Variants in USP32 observed in about 807,000 individuals in gnomAD.
The protein encoded by USP32 is ubiquitin specific peptidase 32, also known as ubiquitin carboxyl-terminal hydrolase 32.
Under a neutral mutation model 204.8 loss-of-function variants are expected in USP32, and 59 were observed. The ratio of observed to expected loss-of-function variants is 0.29; its 90% CI spans 0.23 to 0.36. USP32 has a LOEUF of 0.36. USP32 is among the 10% of genes least tolerant of loss of function. The pLI is 1.00. For synonymous variants in USP32, 517 were observed against 678.4 expected (o/e 0.76, Z 3.70); for missense variants, 1,160 against 1,946.4 (o/e 0.60, Z 7.60).
At chr17:60,213,997 T>C (rs1002987435) in intron 17 of USP32, among the ~76,000 whole-genome samples, 8 of 151,814 alleles carry the variant, frequency 5.3e-5, no homozygotes, top group Non-Finnish European at 1.0e-4. Context: ...GGCTGGAGTA[T>C]AGTGGCACTA....
intron 2 of USP32, among the ~76,000 whole-genome samples, chr17:60,341,168 G>A (rs1056615232): frequency 1.3e-5 from 2 of 152,146 alleles, no homozygotes; most frequent in African/African-American, 4.8e-5. Context: ...TCTTCTTGAG[G>A]AGTATCTTTG....
At chr17:60,315,685 G>GA (rs1445278927) in intron 2 of USP32, 2 of 151,924 alleles carry the variant, frequency 1.3e-5, no homozygotes, top group Non-Finnish European at 1.5e-5. Flanking sequence ...ATAAAAAGAT[G>GA]AAAAAAATGT....
intron 2 of USP32, among the ~76,000 whole-genome samples, chr17:60,323,442 T>C (rs1314269912): frequency 2.0e-5 from 3 of 152,184 alleles, no homozygotes; most frequent in African/African-American, 7.2e-5. Context: ...GATTAGTATA[T>C]TAGTTGGCCA....
intron 29 of USP32, 114 bp downstream of exon 29, chr17:60,190,449 T>C: frequency 7.2e-7 from 1 of 1,388,612 alleles, no homozygotes; most frequent in Non-Finnish European, 9.5e-7. Context: ...AGGATGCCAA[T>C]GAAGGTTTTT....
chr17:60,332,746 T>C (rs1318497601), intron 2 of USP32, among the ~76,000 whole-genome samples: 2 of 152,214 alleles, frequency 1.3e-5, no homozygotes, highest in Non-Finnish European at 2.9e-5. Context: ...CCTTTCACAA[T>C]AGATTAGTTT....
intron 12 of USP32, among the ~76,000 whole-genome samples, chr17:60,235,391 T>G (rs1209990225): frequency 6.6e-6 from 1 of 152,120 alleles, no homozygotes; most frequent in Non-Finnish European, 1.5e-5. Flanking sequence ...TTAATATATT[T>G]TACATGTGAA....
At chr17:60,330,068 A>G (rs151318641) in intron 2 of USP32, among the ~76,000 whole-genome samples, 13 of 152,320 alleles carry the variant, frequency 8.5e-5, no homozygotes, top group African/African-American at 3.1e-4. Context: ...CTTTAAAGCA[A>G]TATTTGTCCC....
chr17:60,244,029 GTTTTT>G (rs34842511), intron 11 of USP32, among the ~76,000 whole-genome samples: 1 of 71,680 alleles, frequency 1.4e-5, no homozygotes, highest in African/African-American at 7.1e-5. Context: ...GCTGGATTGT[GTTTTT>G]TTTTTTTTTT....
At chr17:60,256,928 C>T (rs530592369) in intron 9 of USP32, 17 of 368,680 alleles carry the variant, frequency 4.6e-5, no homozygotes, top group African/African-American at 1.1e-4. Context: ...TGACCAACAA[C>T]GTGATTTCAT....
chr17:60,392,319 C>G, upstream of USP32: 3 of 321,584 alleles, frequency 9.3e-6, no homozygotes, highest in South Asian at 6.0e-5. Context: ...GCCGCACGCT[C>G]CGCCCCTCCC....
intron 5 of USP32, among the ~76,000 whole-genome samples, chr17:60,285,202 G>A (rs1422860963): frequency 1.3e-5 from 2 of 152,082 alleles, no homozygotes; most frequent in South Asian, 2.1e-4. Flanking sequence ...ATCCATATGA[G>A]TAACAATATA....
intron 2 of USP32, among the ~76,000 whole-genome samples, chr17:60,315,617 T>C (rs2087955009): frequency 1.3e-5 from 2 of 152,182 alleles, no homozygotes; most frequent in South Asian, 2.1e-4. Flanking sequence ...AAACAGATAC[T>C]TGTATGCCAA....
At chr17:60,275,887 A>G (rs2086828094) in intron 5 of USP32, among the ~76,000 whole-genome samples, 2 of 149,732 alleles carry the variant, frequency 1.3e-5, no homozygotes, top group Middle Eastern at 3.5e-3. Context: ...AATTTTTTGT[A>G]TTTTTAGTAG....
At chr17:60,255,097 C>A in intron 10 of USP32, 78 bp downstream of exon 10, 2 of 979,136 alleles carry the variant, frequency 2.0e-6, no homozygotes, top group East Asian at 2.6e-5. Flanking sequence ...TACAACAACT[C>A]TGGCTACTAT....
At chr17:60,391,819 C>A in intron 1 of USP32, 63 bp downstream of exon 1, 1 of 1,567,722 alleles carries the variant, frequency 6.4e-7, no homozygotes, top group East Asian at 2.3e-5. Flanking sequence ...TCCCGGTTAC[C>A]CACCCTCCAG....
intron 1 of USP32, among the ~76,000 whole-genome samples, chr17:60,384,787 C>T (rs1423021768): frequency 1.3e-5 from 2 of 149,306 alleles, no homozygotes; most frequent in African/African-American, 2.5e-5. Context: ...AGCAAAACTC[C>T]GTCCAAAAAA....
At chr17:60,324,424 A>G in intron 2 of USP32, among the ~76,000 whole-genome samples, 1 of 152,080 alleles carries the variant, frequency 6.6e-6, no homozygotes, top group East Asian at 1.9e-4. Flanking sequence ...ATGAGGCAGG[A>G]GAAGAAACCA....
At chr17:60,414,256 G>A (rs2090042239) in intron 1 of USP32, among the ~76,000 whole-genome samples, 1 of 151,696 alleles carries the variant, frequency 6.6e-6, no homozygotes, top group African/African-American at 2.4e-5. Context: ...CCAGCTACTC[G>A]GGAGGCTGTG....
In USP32 at chr17:60,179,198, A is replaced by T. The variant is rs1206718176; in HGVS notation, c.*57T>A. ...TTCAGTGACGCTTTTGCCAAATGTCAGCTACAAGGAGTCATCTCCCTCACC... is the reference window on the plus strand; with the variant it reads ...TTCAGTGACGCTTTTGCCAAATGTCTGCTACAAGGAGTCATCTCCCTCACC... On this transcript the variant is annotated 3_prime_UTR_variant, in exon 34 of 34. Transcript: ENST00000300896. The T allele has an allele frequency of 8.4e-6, 13 of 1,545,738 alleles. No individual in the cohort carries two copies. The highest frequency in any genetic ancestry group is 1.1e-5 in the Non-Finnish European group (12 of 1,140,358).
Sources: gnomAD v4.1 joint callset for allele counts (sites outside exome capture counted in the v4.1 genomes callset) on GRCh38, gnomAD v4.1.1 for gene constraint, MANE v1.5 for transcripts, NCBI Gene and HGNC (gene_info 2026-07-23, HGNC 2026-07-21) for gene names.